The following KIZ variants were observed in gnomAD, a reference collection of about 807,000 sequenced individuals.
KIZ encodes centrosomal protein kizuna.
In KIZ, 68 loss-of-function variants were observed where a neutral mutation model predicts 79.6. The observed-to-expected ratio is 0.85, with a 90% CI of 0.70 to 1.05. KIZ has a LOEUF of 1.05. Among genes scored for constraint, KIZ ranks in the 50% least tolerant of loss-of-function variants. The pLI is 0.00. For synonymous variants in KIZ, 280 were observed against 281.8 expected (o/e 0.99, Z 0.06); for missense variants, 797 against 800.4 (o/e 1.00, Z 0.05).
intron 2 of KIZ, among the ~76,000 whole-genome samples, chr20:21,132,808 G>C (rs1360406344): frequency 6.6e-6 from 1 of 152,186 alleles, no homozygotes; most frequent in Non-Finnish European, 1.5e-5. Context: ...CATTGAGCTT[G>C]TGTGATGATT....
At chr20:21,185,281 C>A (rs1260872861) in intron 6 of KIZ, among the ~76,000 whole-genome samples, 6 of 151,492 alleles carry the variant, frequency 4.0e-5, no homozygotes, top group Admixed American at 3.9e-4. Context: ...AGTGTAAATT[C>A]ATTTTGATTT....
chr20:21,132,655 T>C (rs192325058), intron 2 of KIZ, among the ~76,000 whole-genome samples: 1 of 152,364 alleles, frequency 6.6e-6, no homozygotes, highest in Admixed American at 6.5e-5. Context: ...TTTAATATAA[T>C]TACTATCAAA....
chr20:21,151,159 C>T (rs2033098554), intron 4 of KIZ: 1 of 152,214 alleles, frequency 6.6e-6, no homozygotes, highest in Non-Finnish European at 1.5e-5. Flanking sequence ...ATTTCTTAGT[C>T]ACACAGCTAG....
intron 11 of KIZ, among the ~76,000 whole-genome samples, chr20:21,242,746 C>A (rs746083161): frequency 6.8e-4 from 104 of 152,094 alleles, no homozygotes; most frequent in Middle Eastern, 3.2e-3. Context: ...CTGCCCCACC[C>A]CGCCACACCT....
At chr20:21,223,147 C>G (rs2036554852) in intron 9 of KIZ, among the ~76,000 whole-genome samples, 2 of 152,242 alleles carry the variant, frequency 1.3e-5, no homozygotes, top group African/African-American at 2.4e-5. Flanking sequence ...CAATAAAATA[C>G]AGCTTTCTGA....
chr20:21,126,102 G>A lies in KIZ; in HGVS notation c.-14G>A, dbSNP rs2031439187. 1 of 1,507,264 alleles carries A rather than the reference G, an allele frequency of 6.6e-7. No homozygotes were observed. Among genetic ancestry groups the A allele is most frequent in the Non-Finnish European group, 8.9e-7 (1 of 1,128,858 alleles). The allele number at this position is 1,507,264 out of a possible 1,614,324, so 93.4% of individuals were successfully genotyped here. On this transcript the variant is annotated 5_prime_UTR_variant, in exon 1 of 13. Coordinates refer to ENST00000619189, the MANE Select transcript of KIZ (RefSeq NM_018474.6). The stretch of plus-strand genomic sequence containing the variant: ...CACCCAGAGGCTGTGCTGAGCTGGC[G>A]CAGCGGCAGCAGCATGAGCCGGACC...
intron 6 of KIZ, among the ~76,000 whole-genome samples, chr20:21,181,508 G>C (rs1282923932): frequency 6.6e-6 from 1 of 150,460 alleles, no homozygotes; most frequent in Admixed American, 6.6e-5. Flanking sequence ...ACCCATACCA[G>C]AGTGCAGTGG....
intron 11 of KIZ, among the ~76,000 whole-genome samples, chr20:21,234,310 C>T (rs895654745): frequency 2.7e-5 from 4 of 150,810 alleles, no homozygotes; most frequent in Non-Finnish European, 5.9e-5. Context: ...AATTAATTTC[C>T]TAATAAATTA....
chr20:21,138,680 AT>A (rs34709238), intron 3 of KIZ, among the ~76,000 whole-genome samples: 5 of 151,794 alleles, frequency 3.3e-5, no homozygotes, highest in African/African-American at 9.7e-5. Context: ...TGTAAGGTAC[AT>A]TTTTTTCCCC....
chr20:21,179,751 C>T (rs963002509), intron 6 of KIZ, among the ~76,000 whole-genome samples: 5 of 152,018 alleles, frequency 3.3e-5, no homozygotes, highest in African/African-American at 4.8e-5. Flanking sequence ...TTCTAAGTTT[C>T]GGTATGTTGT....
chr20:21,156,713 C>G (rs943875172), intron 4 of KIZ, among the ~76,000 whole-genome samples: 4 of 152,108 alleles, frequency 2.6e-5, no homozygotes, highest in African/African-American at 9.7e-5. Flanking sequence ...AAGAGCGTGT[C>G]TCTGTGCTTT....
chr20:21,232,662 G>T (rs1362351580), intron 10 of KIZ, 72 bp from the exon 11 acceptor site: 3 of 766,840 alleles, frequency 3.9e-6, no homozygotes, highest in Non-Finnish European at 6.9e-6. Flanking sequence ...TTACTGTGAG[G>T]CCACTTTATT....
intron 3 of KIZ, among the ~76,000 whole-genome samples, chr20:21,144,589 GAAA>G (rs761674702): frequency 6.7e-6 from 1 of 150,226 alleles, no homozygotes; most frequent in Non-Finnish European, 1.5e-5. Flanking sequence ...CTCTGCTGGA[GAAA>G]AAAAAATCCA....
chr20:21,214,940 G>A (rs114989724), intron 8 of KIZ, among the ~76,000 whole-genome samples: 1,655 of 152,246 alleles, frequency 0.011, 36 homozygotes, highest in African/African-American at 0.038. Context: ...AATAAAATAA[G>A]TATGAAGAAG....
intron 6 of KIZ, 34 bp downstream of exon 6, chr20:21,163,193 GT>G: frequency 7.1e-7 from 1 of 1,409,806 alleles, no homozygotes. Flanking sequence ...CTACTGTTCT[GT>G]TTTTAATTGT....
At chr20:21,240,401 C>G (rs2037174395) in intron 11 of KIZ, among the ~76,000 whole-genome samples, 1 of 152,210 alleles carries the variant, frequency 6.6e-6, no homozygotes, top group South Asian at 2.1e-4. Flanking sequence ...TGGGCTTATG[C>G]CACCACACCC....
chr20:21,233,887 T>C (rs2036912590), intron 11 of KIZ, among the ~76,000 whole-genome samples: 1 of 152,206 alleles, frequency 6.6e-6, no homozygotes, highest in South Asian at 2.1e-4. Context: ...TCAGAAGTTA[T>C]TATTTTTAAT....
chr20:21,234,207 C>T (rs1358046361), intron 11 of KIZ, among the ~76,000 whole-genome samples: 3 of 152,174 alleles, frequency 2.0e-5, no homozygotes, highest in Non-Finnish European at 4.4e-5. Context: ...AATAATTTCA[C>T]ATCTTGTCTA....
chr20:21,244,433 A>G, intron 12 of KIZ, 145 bp downstream of exon 12: 1 of 650,740 alleles, frequency 1.5e-6, no homozygotes, highest in Non-Finnish European at 2.8e-6. Context: ...CCTGGGGTGG[A>G]ACCTGAGGGC....
Sources: gnomAD v4.1 joint callset for allele counts (sites outside exome capture counted in the v4.1 genomes callset) on GRCh38, gnomAD v4.1.1 for gene constraint, MANE v1.5 for transcripts, NCBI Gene and HGNC (gene_info 2026-07-23, HGNC 2026-07-21) for gene names.